SH2D3C: variants seen among roughly 807,000 people sequenced by gnomAD.
SH2D3C encodes SH2 domain containing 3C, also known as SH2 domain-containing protein 3C.
In SH2D3C, 25 loss-of-function variants were observed where a neutral mutation model predicts 75.2. The observed-to-expected ratio is 0.33, with a 90% confidence interval of 0.24 to 0.46. SH2D3C has a LOEUF of 0.46. Among genes scored for constraint, SH2D3C ranks in the 20% least tolerant of loss-of-function variants. The pLI, the probability that SH2D3C is intolerant of heterozygous loss-of-function variation, is 1.00. For synonymous variants in SH2D3C, 450 were observed against 473.7 expected, an observed-to-expected ratio of 0.95 and a Z score of 0.65; for missense variants, 933 against 1,165.3, an observed-to-expected ratio of 0.80 and a Z score of 2.90.
rs1245680938 is a variant in SH2D3C at position 127,742,921 on chromosome 9, A to G, written c.1844T>C (p.Met615Thr). The G allele has an allele frequency of 6.2e-7, 1 of 1,613,994 alleles. No individual in the cohort carries two copies. The highest frequency in any genetic ancestry group is 1.1e-5 in the South Asian group (1 of 91,070). ...LGVTKEMQTL[M>T]GVRWGMELLT... ...CAGTTCCATGCCCCAGCGGACTCCC[A>G]TTAGGGTCTGCATCTCCTTGGTAAC... is the stretch of plus-strand genomic sequence containing the variant. Residue 615 changes from methionine (M) to threonine (T), a missense_variant, in exon 8 of 12, where the codon ATG (methionine) becomes ACG (threonine). By Grantham distance (81) the Met-to-Thr change is moderately conservative. Coordinates refer to ENST00000314830, the MANE Select transcript of SH2D3C (RefSeq NM_170600.3).
rs377068606 is a variant in SH2D3C, at chr9:127,754,117, G to A, written c.556-2817C>T. On this transcript the variant is annotated intron_variant, in intron 3 of 11. Transcript: ENST00000314830. This position sits in a 1 kb window ranked among gnomAD's most constrained non-coding sequence, Gnocchi z 4.4. Reference sequence around the variant, plus strand: ...GAGCCCCCAGTTCCCTAGAGTTGGGGGTGCTGGGGTGCGAATGCAGCATCC... The same window carrying A: ...GAGCCCCCAGTTCCCTAGAGTTGGGAGTGCTGGGGTGCGAATGCAGCATCC... 6.6e-6 allele frequency among the ~76,000 whole-genome samples: 1 copy of A among 152,274 alleles called. No homozygotes were observed. Among genetic ancestry groups the A allele is most frequent in the African/African-American group, 2.4e-5 (1 of 41,590 alleles).
At chr9:127,771,328 C>T (rs1845734346) in intron 2 of SH2D3C, 2 of 1,414,618 alleles carry the variant, frequency 1.4e-6, no homozygotes, top group African/African-American at 3.0e-5. Context: ...GTGCCGGACT[C>T]CGGGGGCGGA....
In SH2D3C at chr9:127,754,449, A is replaced by T. The variant is rs1271932378; in HGVS notation, c.556-3149T>A. 6.6e-6 allele frequency among the ~76,000 whole-genome samples: 1 copy of T among 151,892 alleles called. No individual in the cohort carries two copies. The highest frequency in any genetic ancestry group is 6.5e-5 in the Admixed American group (1 of 15,270). On this transcript the variant is annotated intron_variant, in intron 3 of 11. Transcript: ENST00000314830. This position sits in a 1 kb window ranked among gnomAD's most constrained non-coding sequence, Gnocchi z 4.4. The stretch of plus-strand genomic sequence containing the variant: ...CCCCAAGCAAAGCCATCCCCAAAGG[A>T]TGCTCCGCAGAGAGGCGGGGTCCGG...
chr9:127,769,885 C>G (rs943889963), intron 2 of SH2D3C, among the ~76,000 whole-genome samples: 1 of 152,114 alleles, frequency 6.6e-6, no homozygotes, highest in African/African-American at 2.4e-5. Flanking sequence ...GCTCCCACCT[C>G]ACACCCCAGT....
In SH2D3C at chr9:127,738,730, G is replaced by A; in HGVS notation, c.*16C>T. On this transcript the variant is annotated 3_prime_UTR_variant, in exon 12 of 12. Coordinates refer to ENST00000314830, the MANE Select transcript of SH2D3C (RefSeq NM_170600.3). The surrounding 1 kb of genome is among the most constrained non-coding windows in gnomAD (Gnocchi z 5.0). ...CTGACGCTGTCCGCAGCTGCAGAGGGGAAATGTCCCTGGGGTCACAGCTCG... is the reference window on the plus strand; with the variant it reads ...CTGACGCTGTCCGCAGCTGCAGAGGAGAAATGTCCCTGGGGTCACAGCTCG... 1 of 1,574,346 alleles carries A rather than the reference G, an allele frequency of 6.4e-7. No individual in the cohort carries two copies. The highest frequency in any genetic ancestry group is 8.6e-7 in the Non-Finnish European group (1 of 1,157,154).
At chr9:127,741,713 T>C in intron 9 of SH2D3C, 75 bp downstream of exon 9, 3 of 1,521,482 alleles carry the variant, frequency 2.0e-6, no homozygotes, top group Non-Finnish European at 1.8e-6. Flanking sequence ...TGATTCCATA[T>C]ACAGCCATCC....
chr9:127,743,306 C>T (rs1259814879), intron 7 of SH2D3C, among the ~76,000 whole-genome samples: 1 of 152,186 alleles, frequency 6.6e-6, no homozygotes, highest in Non-Finnish European at 1.5e-5. Context: ...AGTTCGAGAC[C>T]AGCCTGGCCA....
rs115165827 is a variant in SH2D3C at position 127,753,502 on chromosome 9, C to A, written c.556-2202G>T. On this transcript the variant is annotated intron_variant, in intron 3 of 11. Transcript: ENST00000314830. ...ACAGGTGCTCAGGAGAAAGGCGGGG[C>A]CTGGGAGTGGGAATTCTGCACATCC... Among the ~76,000 whole-genome samples, 1,117 of 152,174 alleles carry A rather than the reference C, an allele frequency of 7.3e-3. 13 individuals carry two copies. The highest frequency in any genetic ancestry group is 0.025 in the African/African-American group (1,043 of 41,502).
Position 127,749,541 on chromosome 9 carries a change from A to T in SH2D3C, c.809T>A (p.Val270Glu), listed in dbSNP as rs777173608. The change falls in exon 5 of 12, where the codon GTG becomes GAG. Residue 270 changes from valine (V) to glutamate (E), a missense_variant. Val to Glu is a moderately radical substitution (Grantham distance 121, BLOSUM62 -2). Transcript: ENST00000314830. The surrounding 1 kb of genome is among the most constrained non-coding windows in gnomAD (Gnocchi z 5.9). Reference sequence around the variant, plus strand: ...GTAGCTCTCGCCTGCCTTCACCACCACCTTGTTGATCTTGAAGTGCAAGGC... The same window carrying T: ...GTAGCTCTCGCCTGCCTTCACCACCTCCTTGTTGATCTTGAAGTGCAAGGC... ...NQALHFKINK[V>E]VVKAGESYTH... is the part of the protein sequence containing the mutation. 5 of 1,611,008 alleles carry T rather than the reference A, an allele frequency of 3.1e-6. No homozygotes were observed. The highest frequency in any genetic ancestry group is 4.2e-6 in the Non-Finnish European group (5 of 1,178,782).
intron 3 of SH2D3C, among the ~76,000 whole-genome samples, chr9:127,753,360 A>G (rs1845257598): frequency 6.6e-6 from 1 of 152,046 alleles, no homozygotes; most frequent in African/African-American, 2.4e-5. Context: ...GATGATTGGG[A>G]CATGCTCTGA....
intron 3 of SH2D3C, among the ~76,000 whole-genome samples, chr9:127,755,741 G>A (rs1238712355): frequency 6.6e-6 from 1 of 152,200 alleles, no homozygotes; most frequent in East Asian, 1.9e-4. Context: ...GACTCTGGGG[G>A]TGCAGAGAGC....
At chr9:127,752,302 A>G (rs1845224261) in intron 3 of SH2D3C, among the ~76,000 whole-genome samples, 1 of 152,090 alleles carries the variant, frequency 6.6e-6, no homozygotes, top group Admixed American at 6.5e-5. Context: ...AACCTGCCTC[A>G]CCTCACTGCG....
At chr9:127,745,128 T>G in intron 6 of SH2D3C, 29 bp from the exon 7 acceptor site, 1 of 1,464,654 alleles carries the variant, frequency 6.8e-7, no homozygotes, top group African/African-American at 1.4e-5. Context: ...AGAGGCCCCG[T>G]TATAGCAGCT....
chr9:127,768,706 C>T (rs1388012993), intron 2 of SH2D3C, among the ~76,000 whole-genome samples: 1 of 152,222 alleles, frequency 6.6e-6, no homozygotes, highest in Admixed American at 6.5e-5. Context: ...AGAGCCAAAG[C>T]CAGGTCCTTG....
Position 127,754,951 on chromosome 9 carries a change from G to GCCCC in SH2D3C, c.556-3652_556-3651insGGGG. 1 of 524,396 alleles carries GCCCC rather than the reference G, an allele frequency of 1.9e-6. No individual in the cohort carries two copies. 32.5% of individuals were successfully genotyped at this position (524,396 alleles called of 1,614,324 possible). On this transcript the variant is annotated intron_variant, in intron 3 of 11. Coordinates refer to ENST00000314830, the MANE Select transcript of SH2D3C (RefSeq NM_170600.3). The surrounding 1 kb of genome is among the most constrained non-coding windows in gnomAD (Gnocchi z 4.4). Reference sequence around the variant, plus strand: ...CCCCGCCCCCTCCCCGGGTCGGCCGGGCCCAGCCCAGCCCGACCCTGCCGG... The same window carrying GCCCC: ...CCCCGCCCCCTCCCCGGGTCGGCCGGCCCCGCCCAGCCCAGCCCGACCCTGCCGG...
intron 3 of SH2D3C, among the ~76,000 whole-genome samples, chr9:127,758,120 A>G (rs925496041): frequency 2.6e-5 from 4 of 151,432 alleles, no homozygotes; most frequent in Non-Finnish European, 4.4e-5. Context: ...GAGCCACCGC[A>G]CCCAGCCTTC....
intron 4 of SH2D3C, among the ~76,000 whole-genome samples, chr9:127,750,194 C>T (rs1845159821): frequency 6.6e-6 from 1 of 151,398 alleles, no homozygotes; most frequent in Admixed American, 6.6e-5. Flanking sequence ...GATGGAGTCT[C>T]ACTGTCACCC....
Position 127,739,045 on chromosome 9 carries a change from G to T in SH2D3C, c.2408-124C>A. 1.3e-6 allele frequency: 1 copy of T among 741,684 alleles called. No homozygotes were observed. The highest frequency in any genetic ancestry group is 2.0e-6 in the Non-Finnish European group (1 of 490,442). 45.9% of individuals were successfully genotyped at this position (741,684 alleles called of 1,614,324 possible). A position where few individuals can be genotyped will look rare whatever the true frequency, so the allele number is the denominator to read the frequency against. On this transcript the variant is annotated intron_variant, in intron 11 of 11. Transcript: ENST00000314830. The surrounding 1 kb of genome is among the most constrained non-coding windows in gnomAD (Gnocchi z 4.3). Reference sequence around the variant, plus strand: ...CCGCCAGGGATCCAACAAGGTTTGTGAATCAACACGACCCTGTAGTTTAGC... The same window carrying T: ...CCGCCAGGGATCCAACAAGGTTTGTTAATCAACACGACCCTGTAGTTTAGC...
At chr9:127,747,055 A>G in intron 6 of SH2D3C, 92 bp downstream of exon 6, 2 of 1,380,138 alleles carry the variant, frequency 1.4e-6, no homozygotes, top group Middle Eastern at 3.8e-4. Flanking sequence ...CGCCTCATAA[A>G]AGAGGCGGAA....
Sources: allele counts gnomAD v4.1 joint callset (sites outside exome capture counted in the v4.1 genomes callset), GRCh38; gene constraint gnomAD v4.1.1; non-coding constraint Gnocchi (gnomAD v3.1); transcripts MANE v1.5; gene names NCBI Gene and HGNC (gene_info 2026-07-23, HGNC 2026-07-21).